PTPRG: variants seen among roughly 807,000 people sequenced by gnomAD.
The protein encoded by PTPRG is protein tyrosine phosphatase receptor type G.
Under a neutral mutation model 165.3 loss-of-function variants are expected in PTPRG, and 102 were observed. That is an observed-to-expected ratio of 0.62 (90% CI 0.53 to 0.73). PTPRG has a LOEUF of 0.73. PTPRG is among the 30% of genes least tolerant of loss of function. The pLI, the probability that PTPRG is intolerant of heterozygous loss-of-function variation, is 0.00. For synonymous variants in PTPRG, 675 were observed against 669.5 expected, an observed-to-expected ratio of 1.01 and a Z score of -0.13; for missense variants, 1,866 against 1,861.4, an observed-to-expected ratio of 1.00 and a Z score of -0.05.
intron 1 of PTPRG, among the ~76,000 whole-genome samples, chr3:61,627,723 G>A (rs9878497): frequency 0.01 from 1,540 of 152,252 alleles, 30 homozygotes; most frequent in African/African-American, 0.032. Flanking sequence ...GAATTAGCAG[G>A]TGTTTAATTA....
intron 2 of PTPRG, among the ~76,000 whole-genome samples, chr3:61,796,095 G>A (rs915183365): frequency 2.0e-5 from 3 of 152,170 alleles, no homozygotes; most frequent in African/African-American, 7.2e-5. Flanking sequence ...CATTAAATTT[G>A]ATGACCAGAG....
chr3:61,897,754 A>G (rs1213601345), intron 2 of PTPRG, among the ~76,000 whole-genome samples: 3 of 152,212 alleles, frequency 2.0e-5, no homozygotes, highest in African/African-American at 7.2e-5. Context: ...TTTCAATATC[A>G]CATTGTAATT....
intron 2 of PTPRG, among the ~76,000 whole-genome samples, chr3:61,940,127 A>T (rs749455438): frequency 6.6e-6 from 1 of 151,248 alleles, no homozygotes; most frequent in Non-Finnish European, 1.5e-5. Context: ...TTGTATTTTT[A>T]GTAGAGACAG....
intron 6 of PTPRG, among the ~76,000 whole-genome samples, chr3:62,136,114 A>G (rs947379061): frequency 1.8e-4 from 28 of 152,066 alleles, no homozygotes; most frequent in Non-Finnish European, 5.9e-5. Context: ...TTCCAGAGGC[A>G]CCTTCCTAAT....
At chr3:61,758,680 C>T (rs1161994228) in intron 2 of PTPRG, among the ~76,000 whole-genome samples, 2 of 151,958 alleles carry the variant, frequency 1.3e-5, no homozygotes, top group African/African-American at 4.8e-5. Context: ...CTCGAACTCC[C>T]GACCTCAGGT....
intron 12 of PTPRG, among the ~76,000 whole-genome samples, chr3:62,212,277 C>G (rs1247233920): frequency 2.0e-5 from 3 of 152,176 alleles, no homozygotes; most frequent in African/African-American, 7.2e-5. Flanking sequence ...TCAGTTGATA[C>G]TCCTTTCCTC....
chr3:62,231,802 T>A (rs1208126684), intron 14 of PTPRG, among the ~76,000 whole-genome samples: 1 of 151,702 alleles, frequency 6.6e-6, no homozygotes, highest in East Asian at 1.9e-4. Flanking sequence ...TATGTGTTTT[T>A]CCTTAAGAAT....
chr3:61,581,322 G>C (rs921897049), intron 1 of PTPRG, among the ~76,000 whole-genome samples: 3 of 152,208 alleles, frequency 2.0e-5, no homozygotes, highest in Non-Finnish European at 4.4e-5. Context: ...TCAGACTCAA[G>C]TGTAAAAGCT....
intron 2 of PTPRG, among the ~76,000 whole-genome samples, chr3:61,765,437 T>G (rs1251128308): frequency 6.6e-6 from 1 of 152,180 alleles, no homozygotes; most frequent in Non-Finnish European, 1.5e-5. Context: ...TGTCAACTCT[T>G]TGATCTAAGA....
Position 61,654,812 on chromosome 3 carries a change from C to T in PTPRG, c.85+92440C>T, listed in dbSNP as rs574199260. 3.7e-5 allele frequency among the ~76,000 whole-genome samples: 5 copies of T among 134,462 alleles called. No individual in the cohort carries two copies. The East Asian group carries it at 6.6e-4, about 18-fold the overall frequency. 88.2% of individuals were successfully genotyped at this position (134,462 alleles called of 152,430 possible). A position where few individuals can be genotyped will look rare whatever the true frequency, so the allele number is the denominator to read the frequency against. ...TTTTTTTTTTTTTGAGACAAAGTCT[C>T]ACTCTGTCGCCCAGGCTGGAGTGCA... On this transcript the variant is annotated intron_variant, in intron 1 of 29. Coordinates refer to ENST00000474889, the MANE Select transcript of PTPRG (RefSeq NM_002841.4).
chr3:61,939,247 G>A (rs568160089), intron 2 of PTPRG, among the ~76,000 whole-genome samples: 20 of 152,260 alleles, frequency 1.3e-4, no homozygotes, highest in Middle Eastern at 3.4e-3. Context: ...TTACTCACAC[G>A]AGGTTTGCAA....
intron 1 of PTPRG, among the ~76,000 whole-genome samples, chr3:61,740,844 A>G (rs544456115): frequency 6.6e-6 from 1 of 152,366 alleles, no homozygotes; most frequent in African/African-American, 2.4e-5. Flanking sequence ...TGAATATGAT[A>G]AAATAGGGAA....
intron 4 of PTPRG, among the ~76,000 whole-genome samples, chr3:62,047,680 G>T (rs1457745181): frequency 1.3e-5 from 2 of 152,092 alleles, no homozygotes; most frequent in Non-Finnish European, 2.9e-5. Flanking sequence ...TATGTAATAC[G>T]CATTTTCCCC....
At chr3:62,160,933 C>A (rs897923458) in intron 7 of PTPRG, among the ~76,000 whole-genome samples, 4 of 143,340 alleles carry the variant, frequency 2.8e-5, no homozygotes, top group Non-Finnish European at 4.5e-5. Flanking sequence ...ATTGCATGAC[C>A]CTTTTTAACC....
At chr3:62,173,283 G>C (rs1246052735) in intron 8 of PTPRG, among the ~76,000 whole-genome samples, 2 of 151,608 alleles carry the variant, frequency 1.3e-5, no homozygotes, top group Non-Finnish European at 2.9e-5. Context: ...TTTGGTCTGT[G>C]GTTGGTTGAA....
chr3:61,945,627 G>A (rs1386528537), intron 2 of PTPRG, among the ~76,000 whole-genome samples: 7 of 148,258 alleles, frequency 4.7e-5, no homozygotes, highest in African/African-American at 1.7e-4. Flanking sequence ...GGAAGATTGA[G>A]TGAACTCATC....
chr3:61,969,908 A>G (rs906496179), intron 2 of PTPRG, among the ~76,000 whole-genome samples: 1 of 152,190 alleles, frequency 6.6e-6, no homozygotes, highest in Non-Finnish European at 1.5e-5. Flanking sequence ...AGATTAATTT[A>G]TATGGAAGTA....
rs149778208 is a variant in PTPRG, at chr3:62,050,332, C to T, written c.520-27831C>T. Reference sequence around the variant, plus strand: ...CTTACCATCATGTTACAGTTGCCTACAGTATTCAATACAGTCATATAGTTT... The same window carrying T: ...CTTACCATCATGTTACAGTTGCCTATAGTATTCAATACAGTCATATAGTTT... On this transcript the variant is annotated intron_variant, in intron 4 of 29. Coordinates refer to ENST00000474889, the MANE Select transcript of PTPRG (RefSeq NM_002841.4). 5.7e-3 allele frequency among the ~76,000 whole-genome samples: 865 copies of T among 152,284 alleles called. 10 individuals are homozygous for T. Among genetic ancestry groups the T allele is most frequent in the African/African-American group, 0.016 (672 of 41,558 alleles).
At chr3:62,194,407 C>T (rs1212229537) in intron 9 of PTPRG, among the ~76,000 whole-genome samples, 2 of 152,212 alleles carry the variant, frequency 1.3e-5, no homozygotes, top group Non-Finnish European at 2.9e-5. Context: ...CTCAGAACCC[C>T]ACAGCTTGTG....
Sources: gnomAD v4.1 joint callset for allele counts (sites outside exome capture counted in the v4.1 genomes callset) on GRCh38, gnomAD v4.1.1 for gene constraint, MANE v1.5 for transcripts, NCBI Gene and HGNC (gene_info 2026-07-23, HGNC 2026-07-21) for gene names.